Variants in MSN observed in about 807,000 individuals in gnomAD.
MSN encodes moesin, also known as epididymis luminal protein 70.
Under a neutral mutation model 48.0 loss-of-function variants are expected in MSN, and 2 were observed. The ratio of observed to expected loss-of-function variants is 0.04; its 90% CI spans 0.02 to 0.13. The LOEUF is 0.13. Ranked by LOEUF, MSN falls within the 10% of genes least tolerant of loss-of-function variation. MSN has a pLI of 1.00. For missense variants in MSN, 267 were observed against 470.1 expected (o/e 0.57, Z 3.99); for synonymous variants, 146 against 166.9 (o/e 0.87, Z 0.97).
intron 1 of MSN, among the ~76,000 whole-genome samples, chrX:65,710,354 T>G (rs2071401702): frequency 8.9e-6 from 1 of 111,823 alleles, no homozygotes; most frequent in East Asian, 2.8e-4. Context: ...CAACCATAGT[T>G]CCTTAAACAT....
intron 1 of MSN, among the ~76,000 whole-genome samples, chrX:65,602,937 G>A (rs1312984365): frequency 9.0e-6 from 1 of 111,040 alleles, no homozygotes; most frequent in Non-Finnish European, 1.9e-5. Flanking sequence ...AGACCATATA[G>A]AGGAGTCTGA....
chrX:65,700,896 G>A (rs889066289), intron 1 of MSN, among the ~76,000 whole-genome samples: 1 of 111,513 alleles, frequency 9.0e-6, no homozygotes, highest in African/African-American at 3.3e-5. Flanking sequence ...CCTTGATGGA[G>A]GAGTTGGGAA....
At chrX:65,716,722 T>TA in intron 1 of MSN, 96 bp from the exon 2 acceptor site, 1 of 783,177 alleles carries the variant, frequency 1.3e-6, no homozygotes, top group Non-Finnish European at 1.9e-6. Flanking sequence ...CTTAGCATCC[T>TA]AACTCCTTCC....
chrX:65,678,545 G>C (rs1420701907), intron 1 of MSN, among the ~76,000 whole-genome samples: 4 of 111,296 alleles, frequency 3.6e-5, no homozygotes, highest in Non-Finnish European at 7.5e-5. Context: ...AAGCCTTCCA[G>C]TTGGTAAGTC....
chrX:65,653,160 T>C (rs2070754363), intron 1 of MSN, among the ~76,000 whole-genome samples: 1 of 111,373 alleles, frequency 9.0e-6, no homozygotes, highest in Admixed American at 9.6e-5. Context: ...GACAGAAAAC[T>C]GGAGAATGGC....
At chrX:65,624,809 A>G (rs1423655336) in intron 1 of MSN, 2 of 109,010 alleles carry the variant, frequency 1.8e-5, no homozygotes, top group Non-Finnish European at 3.8e-5. Context: ...GAAGAAAGAA[A>G]GAAAAGAAAA....
intron 1 of MSN, among the ~76,000 whole-genome samples, chrX:65,715,326 A>G (rs1424285574): frequency 8.9e-6 from 1 of 111,782 alleles, no homozygotes; most frequent in African/African-American, 3.3e-5. Flanking sequence ...TTCCATATGA[A>G]TTTTAAAATA....
intron 1 of MSN, among the ~76,000 whole-genome samples, chrX:65,675,213 T>C (rs1464687532): frequency 8.9e-6 from 1 of 112,323 alleles, no homozygotes; most frequent in African/African-American, 3.2e-5. Flanking sequence ...AACTGCTGCC[T>C]TCAAAGATCT....
At chrX:65,638,485 G>A (rs774890019) in intron 1 of MSN, among the ~76,000 whole-genome samples, 71 of 112,722 alleles carry the variant, frequency 6.3e-4, no homozygotes, top group African/African-American at 1.7e-3. Flanking sequence ...TGGCATCTGC[G>A]GTTCCTAGCA....
At chrX:65,635,444 G>A (rs750873981) in intron 1 of MSN, among the ~76,000 whole-genome samples, 1 of 111,594 alleles carries the variant, frequency 9.0e-6, no homozygotes, top group African/African-American at 3.3e-5. Flanking sequence ...TCAGGCCTGG[G>A]TGGGGGCCCT....
intron 1 of MSN, among the ~76,000 whole-genome samples, chrX:65,678,797 G>T (rs2071027167): frequency 8.9e-6 from 1 of 111,820 alleles, no homozygotes; most frequent in South Asian, 3.7e-4. Context: ...ATCTCTGCCT[G>T]TGTGACCTTG....
At chrX:65,710,227 G>A (rs1393938850) in intron 1 of MSN, among the ~76,000 whole-genome samples, 2 of 112,239 alleles carry the variant, frequency 1.8e-5, no homozygotes, top group African/African-American at 3.2e-5. Context: ...TAATTTCCAC[G>A]AAAGGTTTTC....
At chrX:65,712,546 ATTT>A (rs757977163) in intron 1 of MSN, among the ~76,000 whole-genome samples, 2 of 97,294 alleles carry the variant, frequency 2.1e-5, no homozygotes, top group African/African-American at 3.7e-5. Flanking sequence ...TGTAGATTAG[ATTT>A]TTTTTTTTTT....
intron 1 of MSN, among the ~76,000 whole-genome samples, chrX:65,612,997 C>T (rs944158796): frequency 3.6e-5 from 4 of 111,189 alleles, no homozygotes; most frequent in African/African-American, 1.3e-4. Context: ...TCGCCATCTA[C>T]GTTAGGTATT....
chrX:65,597,223 T>C (rs1389387627), intron 1 of MSN, among the ~76,000 whole-genome samples: 5 of 108,413 alleles, frequency 4.6e-5, no homozygotes, highest in Non-Finnish European at 7.6e-5. Flanking sequence ...TTCTTTCTTT[T>C]TTTTTTTTTG....
chrX:65,736,579 C>T (rs903296497), intron 8 of MSN, among the ~76,000 whole-genome samples: 6 of 110,392 alleles, frequency 5.4e-5, no homozygotes, highest in African/African-American at 1.7e-4. Flanking sequence ...GGACTACAGG[C>T]GCATGCCACT....
intron 1 of MSN, among the ~76,000 whole-genome samples, chrX:65,696,212 C>T (rs1243313123): frequency 3.0e-5 from 3 of 100,836 alleles, no homozygotes; most frequent in Non-Finnish European, 3.8e-5. Context: ...AATGCCCTCA[C>T]GTGCTTGCTC....
chrX:65,589,987 T>C (rs1296992545), intron 1 of MSN, among the ~76,000 whole-genome samples: 1 of 110,260 alleles, frequency 9.1e-6, no homozygotes, highest in Non-Finnish European at 1.9e-5. Flanking sequence ...TGCCTCAGCC[T>C]CCCAAGTAGC....
chrX:65,631,399 C>CGT (rs113183511), intron 1 of MSN, among the ~76,000 whole-genome samples: 2,707 of 110,896 alleles, frequency 0.024, 89 homozygotes, highest in African/African-American at 0.084. Flanking sequence ...CAGCCCCCTA[C>CGT]ATCCTTCTTA....
Sources: allele counts gnomAD v4.1 joint callset (sites outside exome capture counted in the v4.1 genomes callset), GRCh38; gene constraint gnomAD v4.1.1; transcripts MANE v1.5; gene names NCBI Gene and HGNC (gene_info 2026-07-23, HGNC 2026-07-21).